The following MAN2A1 variants were observed in gnomAD, a reference collection of about 807,000 sequenced individuals.
MAN2A1 encodes the protein mannosidase alpha class 2A member 1, also known as alpha-mannosidase 2.
In MAN2A1, 76 loss-of-function variants were observed where a neutral mutation model predicts 142.6. The observed-to-expected ratio is 0.53, with a 90% CI of 0.44 to 0.65. The LOEUF (loss-of-function observed/expected upper bound fraction) is 0.65. Ranked by LOEUF, MAN2A1 falls within the 30% of genes least tolerant of loss-of-function variation. The pLI, the probability that MAN2A1 is intolerant of heterozygous loss-of-function variation, is 0.00. For synonymous variants in MAN2A1, 559 were observed against 473.2 expected (o/e 1.18, Z -2.35); for missense variants, 1,311 against 1,365.1 (o/e 0.96, Z 0.62).
At chr5:109,722,752 C>G (rs1239245678) in intron 3 of MAN2A1, among the ~76,000 whole-genome samples, 1 of 152,138 alleles carries the variant, frequency 6.6e-6, no homozygotes, top group East Asian at 1.9e-4. Flanking sequence ...CTTTTAGAGA[C>G]TTTGATAATT....
At chr5:109,691,072 G>T (rs1750657835) in intron 1 of MAN2A1, among the ~76,000 whole-genome samples, 1 of 152,090 alleles carries the variant, frequency 6.6e-6, no homozygotes, top group Non-Finnish European at 1.5e-5. Flanking sequence ...TTCGTGTTGC[G>T]GCCCTTTTAG....
chr5:109,736,783 A>T (rs2416219), intron 4 of MAN2A1, among the ~76,000 whole-genome samples: 16,175 of 151,812 alleles, frequency 0.11, 1,216 homozygotes, highest in African/African-American at 0.23. Flanking sequence ...TTTACTCTTG[A>T]CCTATCTGCT....
In MAN2A1 at chr5:109,823,717, T is replaced by C; in HGVS notation, c.2452-6T>C. ...ATTTTTCTTAAATATATTATTTTCT[T>C]TTCAGCCTTATGTTTACACAACACC... On this transcript the variant is annotated splice_region_variant and splice_polypyrimidine_tract_variant and intron_variant, in intron 15 of 21. Transcript: ENST00000261483. 1.4e-6 allele frequency: 2 copies of C among 1,434,270 alleles called. No homozygotes were observed. Among genetic ancestry groups the C allele is most frequent in the Non-Finnish European group, 2.0e-6 (2 of 1,020,326 alleles). The allele number at this position is 1,434,270 out of a possible 1,614,324, so 88.8% of individuals were successfully genotyped here.
intron 4 of MAN2A1, among the ~76,000 whole-genome samples, chr5:109,736,987 T>C (rs1752119011): frequency 6.6e-6 from 1 of 152,188 alleles, no homozygotes; most frequent in African/African-American, 2.4e-5. Flanking sequence ...GACTTAGGTA[T>C]GTTAGAAAAA....
chr5:109,789,365 G>T, intron 11 of MAN2A1, 95 bp from the exon 12 acceptor site: 1 of 728,552 alleles, frequency 1.4e-6, no homozygotes, highest in Non-Finnish European at 2.2e-6. Flanking sequence ...TCCTTAATCT[G>T]TTCCTCCTAA....
intron 4 of MAN2A1, among the ~76,000 whole-genome samples, chr5:109,739,838 T>G (rs1421179743): frequency 1.2e-4 from 18 of 152,208 alleles, no homozygotes; most frequent in Admixed American, 1.0e-3. Flanking sequence ...CCTTGTTGCC[T>G]AGCCCAGACA....
intron 1 of MAN2A1, among the ~76,000 whole-genome samples, chr5:109,701,637 C>T (rs1750986088): frequency 6.6e-6 from 1 of 152,074 alleles, no homozygotes; most frequent in Non-Finnish European, 1.5e-5. Context: ...AGTAGGAAGG[C>T]AGCTGAGAAT....
chr5:109,757,643 C>A, intron 5 of MAN2A1, among the ~76,000 whole-genome samples: 1 of 152,024 alleles, frequency 6.6e-6, no homozygotes, highest in East Asian at 1.9e-4. Context: ...ATTTTTAGAA[C>A]TTTTTTCAAC....
chr5:109,789,560 C>G (rs929480058), intron 12 of MAN2A1, 33 bp downstream of exon 12: 2 of 1,426,130 alleles, frequency 1.4e-6, no homozygotes, highest in Admixed American at 2.2e-5. Context: ...ATGTTTACCA[C>G]TTTCTGGCTT....
intron 12 of MAN2A1, among the ~76,000 whole-genome samples, chr5:109,815,306 C>G (rs1223541701): frequency 6.6e-6 from 1 of 152,118 alleles, no homozygotes; most frequent in African/African-American, 2.4e-5. Flanking sequence ...GTTGAGTATA[C>G]CTCTCAAGAG....
intron 5 of MAN2A1, among the ~76,000 whole-genome samples, chr5:109,764,241 A>G (rs572629230): frequency 6.6e-6 from 1 of 152,308 alleles, no homozygotes; most frequent in East Asian, 1.9e-4. Flanking sequence ...TCGTATTACT[A>G]ATGTTCTAAT....
chr5:109,732,438 A>T (rs1348920069), intron 4 of MAN2A1, among the ~76,000 whole-genome samples: 1 of 152,204 alleles, frequency 6.6e-6, no homozygotes, highest in Non-Finnish European at 1.5e-5. Context: ...GTCCTTGCTC[A>T]TGCCTATGTC....
chr5:109,817,351 A>C lies in MAN2A1; in HGVS notation c.2022A>C (p.Gln674His). 6.2e-7 allele frequency: 1 copy of C among 1,614,108 alleles called. No homozygotes were observed. Among genetic ancestry groups the C allele is most frequent in the Non-Finnish European group, 8.5e-7 (1 of 1,180,000 alleles). Residue 674 changes from glutamine (Q) to histidine (H), a missense_variant, in exon 13 of 22, where the codon CAA becomes CAC. By Grantham distance (24) the Gln-to-His change is conservative. Coordinates refer to ENST00000261483, the MANE Select transcript of MAN2A1 (RefSeq NM_002372.4). ...TCTATGTGAGTTCCCCGACAGTGCA[A>C]GTGTTCTCTGCTTCAGGAAAACCTG... ...VSVYVSSPTV[Q>H]VFSASGKPVE...
At chr5:109,840,493 T>C in intron 16 of MAN2A1, 1 of 486,990 alleles carries the variant, frequency 2.1e-6, no homozygotes, top group Non-Finnish European at 4.1e-6. Context: ...CCAATTGGCT[T>C]GGTGGAATAC....
intron 19 of MAN2A1, among the ~76,000 whole-genome samples, chr5:109,849,948 A>G (rs1359419646): frequency 1.3e-5 from 2 of 151,626 alleles, no homozygotes; most frequent in African/African-American, 2.4e-5. Context: ...TCCCCACCGC[A>G]CTTTTGCACA....
intron 19 of MAN2A1, chr5:109,853,813 G>A (rs1421465492): frequency 3.9e-5 from 6 of 152,082 alleles, no homozygotes; most frequent in Non-Finnish European, 8.8e-5. Flanking sequence ...TGTTGTTGGA[G>A]AATATTATTT....
chr5:109,799,495 C>T (rs555010926), intron 12 of MAN2A1, among the ~76,000 whole-genome samples: 1 of 152,196 alleles, frequency 6.6e-6, no homozygotes, highest in African/African-American at 2.4e-5. Flanking sequence ...TGGCTCATGC[C>T]TGTAATCCCA....
In MAN2A1 at chr5:109,819,800, C is replaced by G; in HGVS notation, c.2241C>G (p.Thr747=). 1 of 1,610,052 alleles carries G rather than the reference C, an allele frequency of 6.2e-7. No individual in the cohort carries two copies. The highest frequency in any genetic ancestry group is 2.2e-5 in the East Asian group (1 of 44,764). The change falls in exon 14 of 22, where the codon ACC becomes ACG. Residue 747 remains threonine, a synonymous_variant. Coordinates refer to ENST00000261483, the MANE Select transcript of MAN2A1 (RefSeq NM_002372.4). ...KNKVEDSGIF[T]IKNMINTEEG... ...AAGTAGAAGATAGCGGAATTTTCACCATAAAGAATATGATAAATACTGAAG... is the reference window on the plus strand; with the variant it reads ...AAGTAGAAGATAGCGGAATTTTCACGATAAAGAATATGATAAATACTGAAG...
chr5:109,783,590 ATTTT>A (rs1753516979), intron 9 of MAN2A1, among the ~76,000 whole-genome samples: 1 of 152,150 alleles, frequency 6.6e-6, no homozygotes, highest in Admixed American at 6.6e-5. Context: ...GAAATGCATC[ATTTT>A]ACAAACAAAG....
Sources: gnomAD v4.1 joint callset for allele counts (sites outside exome capture counted in the v4.1 genomes callset) on GRCh38, gnomAD v4.1.1 for gene constraint, MANE v1.5 for transcripts, NCBI Gene and HGNC (gene_info 2026-07-23, HGNC 2026-07-21) for gene names.